The following SLC35F4 variants were observed in gnomAD, a reference collection of about 807,000 sequenced individuals.
SLC35F4 encodes solute carrier family 35 member F4, also known as chromosome 14 open reading frame 36.
Under a neutral mutation model 44.2 loss-of-function variants are expected in SLC35F4, and 24 were observed. The ratio of observed to expected loss-of-function variants is 0.54; its 90% CI spans 0.39 to 0.76. SLC35F4 has a LOEUF of 0.76. Among genes scored for constraint, SLC35F4 ranks in the 30% least tolerant of loss-of-function variants. The pLI is 0.00. For synonymous variants in SLC35F4, 238 were observed against 223.6 expected, an observed-to-expected ratio of 1.06 and a Z score of -0.57; for missense variants, 562 against 586.1, an observed-to-expected ratio of 0.96 and a Z score of 0.42.
At chr14:57,812,338 A>AC (rs1882069962) in intron 1 of SLC35F4, among the ~76,000 whole-genome samples, 1 of 152,052 alleles carries the variant, frequency 6.6e-6, no homozygotes, top group Non-Finnish European at 1.5e-5. Context: ...CTCGGTATCC[A>AC]CCAAGATATA....
intron 2 of SLC35F4, among the ~76,000 whole-genome samples, chr14:57,593,017 G>A (rs539221859): frequency 6.6e-6 from 1 of 152,280 alleles, no homozygotes; most frequent in South Asian, 2.1e-4. Flanking sequence ...GGCTATCATG[G>A]ACACAGGTAG....
chr14:57,606,258 T>A (rs2071158356), intron 1 of SLC35F4, among the ~76,000 whole-genome samples: 1 of 15,114 alleles, frequency 6.6e-5, no homozygotes, highest in African/African-American at 1.4e-4. Flanking sequence ...AACATCTCTT[T>A]CTTTTAGGTG....
chr14:57,697,454 C>T (rs1050430099), intron 1 of SLC35F4, among the ~76,000 whole-genome samples: 5 of 152,056 alleles, frequency 3.3e-5, no homozygotes, highest in African/African-American at 9.7e-5. Context: ...AATCTCAGCA[C>T]TTTGGGAGGC....
At chr14:57,943,683 C>G (rs147376550) in intron 1 of SLC35F4, among the ~76,000 whole-genome samples, 67 of 152,322 alleles carry the variant, frequency 4.4e-4, no homozygotes, top group African/African-American at 1.4e-3. Context: ...GATGTCTGCA[C>G]GGATCATGGA....
chr14:57,946,675 C>CA (rs1890038044), intron 1 of SLC35F4, among the ~76,000 whole-genome samples: 1 of 151,794 alleles, frequency 6.6e-6, no homozygotes, highest in Non-Finnish European at 1.5e-5. Flanking sequence ...AGGGTTTCAC[C>CA]ATGTTGGCCA....
At chr14:57,900,108 A>G (rs143050577) in intron 1 of SLC35F4, among the ~76,000 whole-genome samples, 1 of 127,692 alleles carries the variant, frequency 7.8e-6, no homozygotes, top group East Asian at 3.8e-4. Flanking sequence ...TGATTGGTGC[A>G]TTTTACAGAG....
At chr14:57,765,566 A>G (rs1374331460) in intron 1 of SLC35F4, among the ~76,000 whole-genome samples, 1 of 152,276 alleles carries the variant, frequency 6.6e-6, no homozygotes, top group Non-Finnish European at 1.5e-5. Flanking sequence ...AAATGCCTAC[A>G]AAATGTAACA....
intron 1 of SLC35F4, among the ~76,000 whole-genome samples, chr14:57,885,220 T>G (rs1028412647): frequency 1.3e-5 from 2 of 152,180 alleles, no homozygotes; most frequent in African/African-American, 4.8e-5. Flanking sequence ...ATCTAATCAC[T>G]AGCTGTGTCA....
rs139397949 is a variant in SLC35F4 at position 57,877,674 on chromosome 14, CTTTTTTTTTTTTT to C, written n.282+104226_282+104238del. Among the ~76,000 whole-genome samples the C allele has an allele frequency of 1.2e-3, 65 of 52,424 alleles. 1 individual carries two copies. The highest frequency in any genetic ancestry group is 9.5e-3 in the Admixed American group (42 of 4,408). The allele number at this position is 52,424 out of a possible 152,430, so 34.4% of individuals were successfully genotyped here. ...CTTGCCAGCATCTGTTATTTTTTGA[CTTTTTTTTTTTTT>C]TTTTTTTTTTTTTTTTGAGATGGAG... On this transcript the variant is annotated intron_variant and non_coding_transcript_variant, in intron 1 of 1. Coordinates refer to the SLC35F4 transcript ENST00000556568.
At chr14:57,742,103 G>A (rs545044456) in intron 1 of SLC35F4, among the ~76,000 whole-genome samples, 6 of 152,184 alleles carry the variant, frequency 3.9e-5, no homozygotes, top group South Asian at 2.1e-4. Context: ...CAACCGGTAC[G>A]AGCCACTGAA....
chr14:57,655,290 CTGTT>C (rs889882293), intron 1 of SLC35F4, among the ~76,000 whole-genome samples: 7 of 152,010 alleles, frequency 4.6e-5, no homozygotes, highest in Non-Finnish European at 8.8e-5. Context: ...ATTGAATGCT[CTGTT>C]TGGGGAGGTG....
intron 1 of SLC35F4, among the ~76,000 whole-genome samples, chr14:57,880,903 T>G (rs1888522584): frequency 6.6e-6 from 1 of 152,204 alleles, no homozygotes; most frequent in African/African-American, 2.4e-5. Context: ...TCTAAAGGAT[T>G]CGTTCATAAA....
chr14:57,964,991 A>ATATATATAT (rs1279192848), intron 1 of SLC35F4, among the ~76,000 whole-genome samples: 4 of 115,692 alleles, frequency 3.5e-5, no homozygotes, highest in African/African-American at 1.5e-4. Context: ...AAAAAAAAAA[A>ATATATATAT]ATATATATAT....
At chr14:57,606,663 C>G (rs898066682) in intron 1 of SLC35F4, among the ~76,000 whole-genome samples, 1 of 152,196 alleles carries the variant, frequency 6.6e-6, no homozygotes, top group African/African-American at 2.4e-5. Flanking sequence ...CCACTGTCCT[C>G]TTGCAATGTC....
intron 1 of SLC35F4, among the ~76,000 whole-genome samples, chr14:57,751,934 C>CTGTG (rs972020194): frequency 6.8e-6 from 1 of 146,948 alleles, no homozygotes; most frequent in African/African-American, 2.5e-5. Context: ...CTCTCTCTCT[C>CTGTG]TCTGTGTGTG....
chr14:57,944,217 T>C (rs957517993), intron 1 of SLC35F4, among the ~76,000 whole-genome samples: 2 of 152,316 alleles, frequency 1.3e-5, no homozygotes, highest in African/African-American at 2.4e-5. Context: ...TTCCTACTTA[T>C]CCAATTCATT....
In SLC35F4 at chr14:57,865,910, C is replaced by T. The variant is rs1468337227; in HGVS notation, c.-85G>A. ...GGAGCTGGTGCAGGTGCCGGAGCCG[C>T]TGGTGCTGATCTTGCAGCTCCTGCT... On this transcript the variant is annotated 5_prime_UTR_variant, in exon 1 of 8. Coordinates refer to ENST00000556826, the MANE Select transcript of SLC35F4 (RefSeq NM_001306087.2). 6.4e-6 allele frequency: 6 copies of T among 931,382 alleles called. No individual in the cohort carries two copies. The highest frequency in any genetic ancestry group is 3.1e-5 in the Admixed American group (1 of 31,902). 57.7% of individuals were successfully genotyped at this position (931,382 alleles called of 1,614,324 possible).
At chr14:57,893,343 C>T (rs186186603) in intron 1 of SLC35F4, among the ~76,000 whole-genome samples, 15 of 152,296 alleles carry the variant, frequency 9.8e-5, no homozygotes, top group Middle Eastern at 3.4e-3. Flanking sequence ...GCATTACATA[C>T]ATTGTCTCTT....
At chr14:57,662,765 T>C (rs147393463) in intron 1 of SLC35F4, among the ~76,000 whole-genome samples, 91 of 152,276 alleles carry the variant, frequency 6.0e-4, no homozygotes, top group African/African-American at 2.1e-3. Context: ...TGCTGGATAT[T>C]CCCCATTTTC....
Sources: allele counts gnomAD v4.1 joint callset (sites outside exome capture counted in the v4.1 genomes callset), GRCh38; gene constraint gnomAD v4.1.1; transcripts MANE v1.5; gene names NCBI Gene and HGNC (gene_info 2026-07-23, HGNC 2026-07-21).